The following EML6 variants were observed in gnomAD, a reference collection of about 807,000 sequenced individuals.
EML6 encodes the protein EMAP like 6.
A neutral mutation model predicts 240.1 loss-of-function variants in EML6; 154 were observed. The ratio of observed to expected loss-of-function variants is 0.64; its 90% CI spans 0.56 to 0.73. The LOEUF (loss-of-function observed/expected upper bound fraction) is 0.73, where lower values mean the gene tolerates loss of function less well. EML6 is among the 30% of genes least tolerant of loss of function. The pLI is 0.00. For missense variants in EML6, 2,964 were observed against 2,474.6 expected (o/e 1.20, Z -4.20); for synonymous variants, 1,148 against 899.0 (o/e 1.28, Z -4.95).
At chr2:54,817,094 C>T (rs1668114723) in intron 4 of EML6, among the ~76,000 whole-genome samples, 1 of 152,070 alleles carries the variant, frequency 6.6e-6, no homozygotes, top group Admixed American at 6.5e-5. Context: ...ATTGTTAGTG[C>T]TTTTCATAGG....
intron 5 of EML6, among the ~76,000 whole-genome samples, chr2:54,827,264 C>A (rs563454444): frequency 3.9e-5 from 6 of 152,198 alleles, no homozygotes; most frequent in Admixed American, 1.3e-4. Flanking sequence ...GATTTGTCCA[C>A]TTGATTCCAA....
chr2:54,795,466 G>A (rs559395717), intron 2 of EML6, among the ~76,000 whole-genome samples: 15 of 152,278 alleles, frequency 9.9e-5, no homozygotes, highest in African/African-American at 3.1e-4. Flanking sequence ...TGAGACTTGG[G>A]AACACAGAGC....
intron 9 of EML6, among the ~76,000 whole-genome samples, chr2:54,847,953 C>A (rs1491001929): frequency 7.2e-5 from 11 of 152,212 alleles, no homozygotes; most frequent in African/African-American, 2.4e-4. Flanking sequence ...CCAGCCCCCA[C>A]TGGGGATGTT....
intron 11 of EML6, among the ~76,000 whole-genome samples, chr2:54,855,157 T>G (rs770898820): frequency 6.6e-5 from 10 of 152,216 alleles, no homozygotes; most frequent in Non-Finnish European, 1.0e-4. Flanking sequence ...CTTGGTAATT[T>G]ATAAAGAATA....
At chr2:54,798,860 A>C (rs1182345406) in intron 2 of EML6, among the ~76,000 whole-genome samples, 1 of 152,246 alleles carries the variant, frequency 6.6e-6, no homozygotes, top group Non-Finnish European at 1.5e-5. Context: ...TCTTCATCAT[A>C]AAGAGAATGC....
chr2:54,820,185 C>G (rs917825546), intron 4 of EML6, among the ~76,000 whole-genome samples: 1 of 152,156 alleles, frequency 6.6e-6, no homozygotes, highest in Non-Finnish European at 1.5e-5. Flanking sequence ...TAAGTTCTCT[C>G]TCTACTCAGG....
chr2:54,914,089 C>T (rs1211642245), intron 25 of EML6, among the ~76,000 whole-genome samples: 1 of 152,182 alleles, frequency 6.6e-6, no homozygotes, highest in Non-Finnish European at 1.5e-5. Context: ...TAATACGATA[C>T]CTCTGGCTTT....
intron 10 of EML6, among the ~76,000 whole-genome samples, chr2:54,851,382 C>T (rs1360409530): frequency 1.3e-5 from 2 of 152,128 alleles, no homozygotes; most frequent in East Asian, 3.8e-4. Flanking sequence ...CACTGCACTC[C>T]AGCCTGGGTG....
intron 11 of EML6, among the ~76,000 whole-genome samples, chr2:54,856,407 G>A (rs1451784277): frequency 1.3e-5 from 2 of 152,078 alleles, no homozygotes; most frequent in African/African-American, 4.8e-5. Context: ...TTCCTCCTTT[G>A]CATTACACCT....
At chr2:54,922,138 T>C (rs1159403979) in intron 26 of EML6, among the ~76,000 whole-genome samples, 2 of 152,144 alleles carry the variant, frequency 1.3e-5, no homozygotes, top group African/African-American at 4.8e-5. Context: ...GCCTATCAAA[T>C]GGGAAAAATA....
At chr2:54,962,322 G>A (rs946080849) in intron 35 of EML6, among the ~76,000 whole-genome samples, 1 of 151,966 alleles carries the variant, frequency 6.6e-6, no homozygotes. Flanking sequence ...ATGTTGTGCA[G>A]CCATCACCAC....
At chr2:54,829,039 A>G (rs1187132059) in intron 6 of EML6, among the ~76,000 whole-genome samples, 1 of 152,224 alleles carries the variant, frequency 6.6e-6, no homozygotes, top group Non-Finnish European at 1.5e-5. Flanking sequence ...CTTATCACAT[A>G]AAATAATTTG....
intron 2 of EML6, among the ~76,000 whole-genome samples, chr2:54,784,577 T>C (rs1209885777): frequency 6.6e-6 from 1 of 152,192 alleles, no homozygotes; most frequent in Admixed American, 6.5e-5. Flanking sequence ...CAAGTAGAAC[T>C]TTCTGACTCC....
intron 2 of EML6, among the ~76,000 whole-genome samples, chr2:54,776,054 T>G (rs573879133): frequency 2.0e-5 from 3 of 152,294 alleles, no homozygotes; most frequent in East Asian, 3.9e-4. Flanking sequence ...GATGTCTTTA[T>G]CTAGTTTTGA....
At chr2:54,874,555 T>A (rs1003001800) in intron 16 of EML6, among the ~76,000 whole-genome samples, 1 of 152,250 alleles carries the variant, frequency 6.6e-6, no homozygotes, top group African/African-American at 2.4e-5. Flanking sequence ...CTTTTTGTCT[T>A]ACAGGTTAAG....
intron 2 of EML6, among the ~76,000 whole-genome samples, chr2:54,799,448 C>T (rs537647316): frequency 7.3e-5 from 11 of 150,452 alleles, no homozygotes; most frequent in African/African-American, 1.7e-4. Flanking sequence ...CTGATTCAAG[C>T]GATTCTCCTG....
At chr2:54,763,237 A>C (rs1042189912) in intron 2 of EML6, among the ~76,000 whole-genome samples, 1 of 152,192 alleles carries the variant, frequency 6.6e-6, no homozygotes. Context: ...ATATTTCTTT[A>C]CACTGAGCAT....
chr2:54,876,179 C>G (rs984852120), intron 16 of EML6, among the ~76,000 whole-genome samples: 4 of 152,162 alleles, frequency 2.6e-5, no homozygotes, highest in Non-Finnish European at 5.9e-5. Context: ...TAAAAAACTT[C>G]AACTAACTGG....
intron 17 of EML6, among the ~76,000 whole-genome samples, chr2:54,889,214 A>T (rs140769352): frequency 9.2e-5 from 14 of 152,190 alleles, no homozygotes; most frequent in African/African-American, 3.1e-4. Context: ...GATTGTTTTA[A>T]TACCTAGGAG....
Sources: gnomAD v4.1 joint callset for allele counts (sites outside exome capture counted in the v4.1 genomes callset) on GRCh38, gnomAD v4.1.1 for gene constraint, MANE v1.5 for transcripts, NCBI Gene and HGNC (gene_info 2026-07-23, HGNC 2026-07-21) for gene names.